Variants in TMED10 observed in about 807,000 individuals in gnomAD.
The protein encoded by TMED10 is transmembrane emp24 domain-containing protein 10.
In TMED10, 7 loss-of-function variants were observed where a neutral mutation model predicts 23.1. That is an observed-to-expected ratio of 0.30 (90% confidence interval 0.17 to 0.57). The LOEUF is 0.57. Among genes scored for constraint, TMED10 ranks in the 20% least tolerant of loss-of-function variants. The pLI is 0.91. For synonymous variants in TMED10, 113 were observed against 106.9 expected, an observed-to-expected ratio of 1.06 and a Z score of -0.35; for missense variants, 162 against 274.8, an observed-to-expected ratio of 0.59 and a Z score of 2.90.
At chr14:75,176,081 G>T in intron 1 of TMED10, 1 of 523,266 alleles carries the variant, frequency 1.9e-6, no homozygotes, top group Non-Finnish European at 3.5e-6. Flanking sequence ...GACCAAAACT[G>T]GTATAGGACG....
At chr14:75,163,552 C>CAAAAAAA (rs758185921) in intron 1 of TMED10, among the ~76,000 whole-genome samples, 13 of 60,780 alleles carry the variant, frequency 2.1e-4, no homozygotes, top group Non-Finnish European at 2.4e-4. Flanking sequence ...GACTCCGTAT[C>CAAAAAAA]AAAAAAAAAA....
intron 2 of TMED10, among the ~76,000 whole-genome samples, chr14:75,148,877 G>A (rs1452423634): frequency 2.6e-5 from 4 of 152,232 alleles, no homozygotes; most frequent in Non-Finnish European, 4.4e-5. Flanking sequence ...CAATGCAACA[G>A]TGTTGAGAGG....
intron 1 of TMED10, among the ~76,000 whole-genome samples, chr14:75,154,401 C>CAAAGAAAAAAA (rs1895995533): frequency 6.6e-5 from 1 of 15,252 alleles, no homozygotes; most frequent in African/African-American, 2.4e-4. Context: ...GACTCTGTCT[C>CAAAGAAAAAAA]AAAAAAAAAA....
chr14:75,175,621 TAG>T (rs1896294720), intron 1 of TMED10, among the ~76,000 whole-genome samples: 1 of 151,704 alleles, frequency 6.6e-6, no homozygotes, highest in Admixed American at 6.6e-5. Context: ...GGGATAGCAT[TAG>T]GAGACATACC....
chr14:75,152,358 G>A (rs926008437), intron 1 of TMED10, among the ~76,000 whole-genome samples: 1 of 152,162 alleles, frequency 6.6e-6, no homozygotes, highest in African/African-American at 2.4e-5. Flanking sequence ...ATCACACTGT[G>A]GGCTAAAATC....
rs71119349 is a variant in TMED10, at chr14:75,147,185, G to GTTTTTTTTT, written c.411+470_411+478dup. Among the ~76,000 whole-genome samples, 403 of 116,552 alleles carry GTTTTTTTTT rather than the reference G, an allele frequency of 3.5e-3. 29 individuals are homozygous for GTTTTTTTTT. Among genetic ancestry groups the GTTTTTTTTT allele is most frequent in the African/African-American group, 0.014 (377 of 26,224 alleles). The allele number at this position is 116,552 out of a possible 152,430, so 76.5% of individuals were successfully genotyped here. Reference sequence around the variant, plus strand: ...ACAGCCAGAATTATTCTTCAAGGCTGTTTTTTTTTTTTTTTTTTTTTGAGA... The same window carrying GTTTTTTTTT: ...ACAGCCAGAATTATTCTTCAAGGCTGTTTTTTTTTTTTTTTTTTTTTTTTTTTTTTGAGA... On this transcript the variant is annotated intron_variant, in intron 3 of 4. Transcript: ENST00000303575.
At chr14:75,138,319 C>T (rs1447643979) in intron 3 of TMED10, among the ~76,000 whole-genome samples, 1 of 152,194 alleles carries the variant, frequency 6.6e-6, no homozygotes, top group African/African-American at 2.4e-5. Flanking sequence ...GATACACCTA[C>T]AGTTTTCTCT....
intron 2 of TMED10, among the ~76,000 whole-genome samples, chr14:75,148,222 G>A (rs560444213): frequency 1.8e-4 from 28 of 152,166 alleles, no homozygotes; most frequent in Admixed American, 1.2e-3. Flanking sequence ...TAGGATTATT[G>A]GATATGTGCT....
chr14:75,170,431 A>ATATACATATAT (rs1369217790), intron 1 of TMED10, among the ~76,000 whole-genome samples: 4 of 152,220 alleles, frequency 2.6e-5, no homozygotes, highest in African/African-American at 4.8e-5. Flanking sequence ...TTCTGAGGTC[A>ATATACATATAT]GAGGATAGAC....
intron 1 of TMED10, chr14:75,175,916 G>A (rs1896299348): frequency 4.5e-6 from 1 of 223,568 alleles, no homozygotes. Flanking sequence ...AACTGACACA[G>A]CAGATGCTCA....
intron 1 of TMED10, among the ~76,000 whole-genome samples, chr14:75,159,961 T>A (rs978851868): frequency 1.3e-5 from 2 of 152,210 alleles, no homozygotes; most frequent in African/African-American, 4.8e-5. Context: ...GCACCTTTTA[T>A]CAACATGAAA....
Position 75,133,916 on chromosome 14 carries a change from AAAGG to A in TMED10, c.*965_*968del. 3.3e-6 allele frequency: 1 copy of A among 306,148 alleles called. No individual in the cohort carries two copies. The highest frequency in any genetic ancestry group is 2.6e-5 in the South Asian group (1 of 38,034). 19.0% of individuals were successfully genotyped at this position (306,148 alleles called of 1,614,324 possible). A position where few individuals can be genotyped will look rare whatever the true frequency, so the allele number is the denominator to read the frequency against. On this transcript the variant is annotated 3_prime_UTR_variant, in exon 5 of 5. Transcript: ENST00000303575. ...TATATAAAACATTTTTAAAAGAAAA[AAAGG>A]AAGAAACTATTCATACATGCAACAA...
chr14:75,136,804 A>G (rs1396751170), intron 3 of TMED10: 1 of 152,148 alleles, frequency 6.6e-6, no homozygotes, highest in Non-Finnish European at 1.5e-5. Flanking sequence ...AGAAATCTTC[A>G]AGGAATTCCC....
At chr14:75,158,241 T>G (rs1896044900) in intron 1 of TMED10, among the ~76,000 whole-genome samples, 7 of 152,204 alleles carry the variant, frequency 4.6e-5, no homozygotes, top group Admixed American at 4.6e-4. Context: ...CAAGGGAAAT[T>G]TAGCCTTGAA....
intron 3 of TMED10, 138 bp downstream of exon 3, chr14:75,147,517 TATCAGTAAG>T (rs1386597330): frequency 2.3e-6 from 2 of 865,514 alleles, no homozygotes; most frequent in African/African-American, 1.7e-5. Flanking sequence ...CCACTTTTTG[TATCAGTAAG>T]ATCATGGCTG....
At chr14:75,158,895 G>C (rs1043320568) in intron 1 of TMED10, among the ~76,000 whole-genome samples, 2 of 152,106 alleles carry the variant, frequency 1.3e-5, no homozygotes, top group Non-Finnish European at 2.9e-5. Context: ...TTGCGCTCTA[G>C]CCTGGGCAAC....
rs1420938668 is a variant in TMED10 at position 75,133,956 on chromosome 14, TTTCAAGGGAATTA to T, written c.*916_*928del. 3.8e-6 allele frequency: 1 copy of T among 261,274 alleles called. No individual in the cohort carries two copies. The highest frequency in any genetic ancestry group is 7.4e-6 in the Non-Finnish European group (1 of 134,974). The allele number at this position is 261,274 out of a possible 1,614,324, so 16.2% of individuals were successfully genotyped here. A position where few individuals can be genotyped will look rare whatever the true frequency, so the allele number is the denominator to read the frequency against. On this transcript the variant is annotated 3_prime_UTR_variant, in exon 5 of 5. Transcript: ENST00000303575. ...TCATACATGCAACAACTTGGATGGA[TTTCAAGGGAATTA>T]TGCTGAATGAAAAAAGATCAGCCTC...
intron 2 of TMED10, 71 bp from the exon 3 acceptor site, chr14:75,147,808 C>CGCCT (rs1160653899): frequency 2.7e-5 from 35 of 1,275,690 alleles, no homozygotes; most frequent in South Asian, 5.1e-5. Context: ...CCCACCCGCC[C>CGCCT]GCCCTCCCTC....
intron 1 of TMED10, among the ~76,000 whole-genome samples, chr14:75,157,582 C>T (rs556684950): frequency 6.6e-5 from 10 of 151,660 alleles, no homozygotes; most frequent in African/African-American, 1.2e-4. Context: ...CCCATGAGGT[C>T]GAGGCTGCAG....
Sources: gnomAD v4.1 joint callset for allele counts (sites outside exome capture counted in the v4.1 genomes callset) on GRCh38, gnomAD v4.1.1 for gene constraint, MANE v1.5 for transcripts, NCBI Gene and HGNC (gene_info 2026-07-23, HGNC 2026-07-21) for gene names.